WWOX: variants seen among roughly 807,000 people sequenced by gnomAD.
The protein encoded by WWOX is WW domain-containing oxidoreductase.
Under a neutral mutation model 46.2 loss-of-function variants are expected in WWOX, and 69 were observed. The observed-to-expected ratio is 1.49, with a 90% CI of 1.23 to 1.82. WWOX has a LOEUF of 1.82. Among genes scored for constraint, WWOX ranks in the 40% most tolerant of loss-of-function variants. The pLI, the probability that WWOX is intolerant of heterozygous loss-of-function variation, is 0.00. For missense variants in WWOX, 919 were observed against 542.6 expected (o/e 1.69, Z -6.89); for synonymous variants, 359 against 202.6 (o/e 1.77, Z -6.56).
intron 4 of WWOX, chr16:78,123,215 C>T (rs984644358): frequency 5.3e-5 from 8 of 151,688 alleles, no homozygotes; most frequent in Non-Finnish European, 1.0e-4. Flanking sequence ...ATGAAGGGAT[C>T]CACTTAATAA....
intron 8 of WWOX, among the ~76,000 whole-genome samples, chr16:79,033,544 A>G (rs1180739575): frequency 6.6e-6 from 1 of 152,106 alleles, no homozygotes; most frequent in Non-Finnish European, 1.5e-5. Flanking sequence ...GGCCCTCACT[A>G]CCACATGCGT....
At chr16:78,517,618 G>A (rs1408970097) in intron 8 of WWOX, among the ~76,000 whole-genome samples, 5 of 152,040 alleles carry the variant, frequency 3.3e-5, no homozygotes, top group Admixed American at 6.5e-5. Context: ...CCTCTGCGTC[G>A]CCACATCTGT....
At chr16:78,206,496 G>A (rs868853787) in intron 5 of WWOX, among the ~76,000 whole-genome samples, 3 of 152,112 alleles carry the variant, frequency 2.0e-5, no homozygotes, top group Non-Finnish European at 2.9e-5. Flanking sequence ...AAGACTGAGA[G>A]AAGTTTCTAA....
chr16:78,268,562 A>G (rs140914872), intron 5 of WWOX, among the ~76,000 whole-genome samples: 109 of 152,292 alleles, frequency 7.2e-4, no homozygotes, highest in African/African-American at 2.5e-3. Flanking sequence ...TAGAGGCAGA[A>G]TTTCTCTCCA....
chr16:79,129,367 A>G (rs1172672587), intron 8 of WWOX, among the ~76,000 whole-genome samples: 2 of 148,672 alleles, frequency 1.3e-5, no homozygotes, highest in African/African-American at 5.0e-5. Flanking sequence ...GTGCCTTAAA[A>G]TTTGTTATGA....
At chr16:78,438,751 G>A (rs1038608603) in intron 8 of WWOX, among the ~76,000 whole-genome samples, 2 of 152,244 alleles carry the variant, frequency 1.3e-5, no homozygotes, top group East Asian at 1.9e-4. Flanking sequence ...ATCGGGTTAC[G>A]TTTCCTGTGC....
intron 8 of WWOX, among the ~76,000 whole-genome samples, chr16:78,698,512 G>A (rs1287500800): frequency 2.0e-5 from 3 of 152,156 alleles, no homozygotes; most frequent in African/African-American, 7.2e-5. Context: ...AATTTTAGCA[G>A]TCGTTTTGAG....
intron 8 of WWOX, among the ~76,000 whole-genome samples, chr16:78,959,239 T>C (rs1055960329): frequency 1.3e-5 from 2 of 152,212 alleles, no homozygotes; most frequent in Non-Finnish European, 2.9e-5. Flanking sequence ...TGGAATAATA[T>C]TGTACAGACT....
rs529071263 is a variant in WWOX at position 78,697,424 on chromosome 16, A to G, written c.1056+264672A>G. On this transcript the variant is annotated intron_variant, in intron 8 of 8. Coordinates refer to ENST00000566780, the MANE Select transcript of WWOX (RefSeq NM_016373.4). The stretch of plus-strand genomic sequence containing the variant: ...TAGGTGGGACTTAATTAAACTAATC[A>G]GCTTTTGCCCAGCAAAAGGAACAGT... 7.9e-5 allele frequency among the ~76,000 whole-genome samples: 12 copies of G among 152,352 alleles called. No individual in the cohort carries two copies. In the South Asian group the frequency reaches 2.5e-3, roughly 32 times the overall value.
At chr16:78,698,638 A>G (rs182695982) in intron 8 of WWOX, among the ~76,000 whole-genome samples, 1 of 152,164 alleles carries the variant, frequency 6.6e-6, no homozygotes, top group South Asian at 2.1e-4. Context: ...TTTCCTGACA[A>G]ACTTCCCAAG....
intron 8 of WWOX, among the ~76,000 whole-genome samples, chr16:79,037,655 A>G (rs941699918): frequency 2.0e-4 from 31 of 152,190 alleles, no homozygotes; most frequent in African/African-American, 6.5e-4. Context: ...ACCTCCTGCA[A>G]CCTTAGTTGT....
In WWOX at chr16:78,194,125, G is replaced by C. The variant is rs192207921; in HGVS notation, c.516+29836G>C. ...GATCTCCTGACCTCGTGATCCGTCC[G>C]CCTCGGCCTCCCAAAGTGCTGGGAT... On this transcript the variant is annotated intron_variant, in intron 5 of 8. Coordinates refer to ENST00000566780, the MANE Select transcript of WWOX (RefSeq NM_016373.4). Among the ~76,000 whole-genome samples, 885 of 151,762 alleles carry C rather than the reference G, an allele frequency of 5.8e-3. 1 individual carries two copies. Among genetic ancestry groups the C allele is most frequent in the Middle Eastern group, 0.017 (5 of 292 alleles).
chr16:78,331,123 G>A (rs2080746208), intron 5 of WWOX, among the ~76,000 whole-genome samples: 1 of 151,998 alleles, frequency 6.6e-6, no homozygotes, highest in South Asian at 2.1e-4. Flanking sequence ...AACACCTACG[G>A]TCCCTGAATA....
chr16:78,993,634 T>G (rs975457493), intron 8 of WWOX, among the ~76,000 whole-genome samples: 1 of 152,104 alleles, frequency 6.6e-6, no homozygotes, highest in South Asian at 2.1e-4. Flanking sequence ...TGCTCCAGAG[T>G]GAGCCCATGG....
intron 8 of WWOX, among the ~76,000 whole-genome samples, chr16:78,690,712 A>G (rs1278200351): frequency 6.6e-6 from 1 of 152,214 alleles, no homozygotes; most frequent in Non-Finnish European, 1.5e-5. Context: ...TTCCAGTCAC[A>G]GCCTGGATGC....
intron 8 of WWOX, among the ~76,000 whole-genome samples, chr16:78,473,419 C>T (rs1166233153): frequency 6.6e-6 from 1 of 152,136 alleles, no homozygotes; most frequent in Non-Finnish European, 1.5e-5. Context: ...CATGAGCCGA[C>T]CTTTTTATGT....
At chr16:78,139,685 T>A (rs1228724801) in intron 4 of WWOX, among the ~76,000 whole-genome samples, 1 of 152,142 alleles carries the variant, frequency 6.6e-6, no homozygotes, top group African/African-American at 2.4e-5. Flanking sequence ...AAGTTTTCTG[T>A]ATTGAAAATG....
rs530608044 is a variant in WWOX, at chr16:78,749,716, T to C, written c.1056+316964T>C. 2.6e-5 allele frequency among the ~76,000 whole-genome samples: 4 copies of C among 152,306 alleles called. No homozygotes were observed. In the South Asian group the frequency reaches 6.2e-4, roughly 24 times the overall value. ...GTCATTTAATATATATCTGTGAAAA[T>C]GGGCCAAATAGATTGCCTCCGTTAA... On this transcript the variant is annotated intron_variant, in intron 8 of 8. Transcript: ENST00000566780.
At chr16:78,568,176 T>C (rs905753507) in intron 8 of WWOX, among the ~76,000 whole-genome samples, 1 of 152,106 alleles carries the variant, frequency 6.6e-6, no homozygotes, top group Admixed American at 6.6e-5. Context: ...TCACCAAAAA[T>C]CATCCTCTGA....
Sources: allele counts gnomAD v4.1 joint callset (sites outside exome capture counted in the v4.1 genomes callset), GRCh38; gene constraint gnomAD v4.1.1; transcripts MANE v1.5; gene names NCBI Gene and HGNC (gene_info 2026-07-23, HGNC 2026-07-21).